Variants in ADGRB1 observed in about 807,000 individuals in gnomAD.
ADGRB1 encodes adhesion G protein-coupled receptor B1, also known as brain-specific angiogenesis inhibitor 1.
ADGRB1 carries 36 observed loss-of-function variants against 175.7 expected under a neutral mutation model. The observed-to-expected ratio is 0.20, with a 90% confidence interval of 0.16 to 0.27. The LOEUF (loss-of-function observed/expected upper bound fraction) is 0.27. Ranked by LOEUF, ADGRB1 falls within the 10% of genes least tolerant of loss-of-function variation. The probability of loss-of-function intolerance (pLI) is 1.00; values close to 1 mark genes in which losing one functional copy is unlikely to be tolerated. For synonymous variants in ADGRB1, 1,054 were observed against 979.4 expected (o/e 1.08, Z -1.42); for missense variants, 1,731 against 2,255.3 (o/e 0.77, Z 4.71).
chr8:142,476,805 C>A, intron 4 of ADGRB1, 110 bp downstream of exon 4: 1 of 1,157,590 alleles, frequency 8.6e-7, no homozygotes, highest in Non-Finnish European at 1.2e-6. Flanking sequence ...CATAACTAGA[C>A]TAAACCCTTA....
rs950756960 is a variant in ADGRB1 at position 142,474,800 on chromosome 8, G to A, written c.785-674G>A. ...GCCGGGGTCAGGGCAGGGGCGTGGC[G>A]GGGAGGCGCCTGCAGGCATTTATCC... On this transcript the variant is annotated intron_variant, in intron 2 of 30. Transcript: ENST00000517894. The surrounding 1 kb of genome is among the most constrained non-coding windows in gnomAD (Gnocchi z 5.8). Among the ~76,000 whole-genome samples, 23 of 152,110 alleles carry A rather than the reference G, an allele frequency of 1.5e-4. No homozygotes were observed. Among genetic ancestry groups the A allele is most frequent in the Admixed American group, 1.4e-3 (22 of 15,280 alleles).
chr8:142,466,167 A>T (rs534523137), intron 2 of ADGRB1, among the ~76,000 whole-genome samples: 142 of 152,188 alleles, frequency 9.3e-4, no homozygotes, highest in Non-Finnish European at 1.3e-3. Context: ...GACTGCATAC[A>T]TCGGGTGTTC....
chr8:142,473,176 G>A (rs949806893), intron 2 of ADGRB1, among the ~76,000 whole-genome samples: 1 of 152,190 alleles, frequency 6.6e-6, no homozygotes, highest in African/African-American at 2.4e-5. Flanking sequence ...GATGAGCCTG[G>A]CTTGGACACC....
At position 142,542,469 on chromosome 8, in the gene ADGRB1, C is replaced by A; in HGVS notation, c.4235C>A (p.Pro1412Gln). 1 of 1,314,462 alleles carries A rather than the reference C, an allele frequency of 7.6e-7. No individual in the cohort carries two copies. The highest frequency in any genetic ancestry group is 1.6e-5 in the South Asian group (1 of 62,964). 81.4% of individuals were successfully genotyped at this position (1,314,462 alleles called of 1,614,324 possible). A position where few individuals can be genotyped will look rare whatever the true frequency, so the allele number is the denominator to read the frequency against. The change falls in exon 28 of 31, where the codon CCA becomes CAA. Residue 1412 changes from proline (P) to glutamine (Q), a missense_variant. Coordinates refer to ENST00000517894, the MANE Select transcript of ADGRB1 (RefSeq NM_001702.3). This position sits in a 1 kb window ranked among gnomAD's most constrained non-coding sequence, Gnocchi z 6.3. Reference protein sequence around the residue: ...GPPEAPPAQPPPPPPPPPPPP... With the variant: ...GPPEAPPAQPQPPPPPPPPPP... The stretch of plus-strand genomic sequence containing the variant: ...CCCGAGGCACCCCCTGCCCAGCCCC[C>A]ACCGCCTCCGCCCCCACCGCCACCA...
chr8:142,452,176 C>T (rs1839390475), intron 1 of ADGRB1, among the ~76,000 whole-genome samples: 1 of 152,224 alleles, frequency 6.6e-6, no homozygotes. Context: ...CTTGGCGCTG[C>T]TTTCAGACTT....
chr8:142,498,961 C>T (rs986855766), intron 17 of ADGRB1, among the ~76,000 whole-genome samples: 4 of 152,148 alleles, frequency 2.6e-5, no homozygotes, highest in Non-Finnish European at 1.5e-5. Flanking sequence ...GCCTCTCTCT[C>T]CCTCTCTTGG....
Position 142,475,627 on chromosome 8 carries a change from C to T in ADGRB1, c.938C>T (p.Ala313Val). ...LEEGRQCNRE[A>V]CGPAGRTSSR... Reference sequence around the variant, plus strand: ...GAGGGTCGCCAGTGCAACCGCGAGGCCTGCGGCCGTGAGTGCGGGCGGGGC... The same window carrying T: ...GAGGGTCGCCAGTGCAACCGCGAGGTCTGCGGCCGTGAGTGCGGGCGGGGC... The change falls in exon 3 of 31, where the codon GCC (alanine) becomes GTC (valine). Residue 313 changes from alanine to valine, a missense_variant. Physicochemically the swap from Ala to Val is moderately conservative, Grantham distance 64. This residue lies in a region of ADGRB1 where 178 missense variants were observed against 227.8 expected (regional missense o/e 0.78). Transcript: ENST00000517894. 8.1e-7 allele frequency: 1 copy of T among 1,230,656 alleles called. No individual in the cohort carries two copies. The highest frequency in any genetic ancestry group is 1.0e-6 in the Non-Finnish European group (1 of 986,942). 76.2% of individuals were successfully genotyped at this position (1,230,656 alleles called of 1,614,324 possible). A position where few individuals can be genotyped will look rare whatever the true frequency, so the allele number is the denominator to read the frequency against.
intron 24 of ADGRB1, among the ~76,000 whole-genome samples, chr8:142,529,716 A>G (rs892099654): frequency 1.5e-5 from 2 of 137,880 alleles, no homozygotes; most frequent in African/African-American, 2.8e-5. Flanking sequence ...GCGTGCATCT[A>G]TGTGTGTGAG....
chr8:142,474,874 G>A lies in ADGRB1; in HGVS notation c.785-600G>A, dbSNP rs530253395. ...GCTGGCCAGGTCCAGGGCAGGCTCCGTCAGGCTGTGCCCTGGGTTCGAGGC... is the reference window on the plus strand; with the variant it reads ...GCTGGCCAGGTCCAGGGCAGGCTCCATCAGGCTGTGCCCTGGGTTCGAGGC... On this transcript the variant is annotated intron_variant, in intron 2 of 30. Coordinates refer to ENST00000517894, the MANE Select transcript of ADGRB1 (RefSeq NM_001702.3). This position sits in a 1 kb window ranked among gnomAD's most constrained non-coding sequence, Gnocchi z 5.8. Among the ~76,000 whole-genome samples, 64 of 152,286 alleles carry A rather than the reference G, an allele frequency of 4.2e-4. No individual in the cohort carries two copies. Among genetic ancestry groups the A allele is most frequent in the African/African-American group, 1.5e-3 (62 of 41,560 alleles).
At chr8:142,531,998 T>C (rs1844648869) in intron 24 of ADGRB1, among the ~76,000 whole-genome samples, 1 of 152,130 alleles carries the variant, frequency 6.6e-6, no homozygotes, top group Non-Finnish European at 1.5e-5. Flanking sequence ...CGTGTGGTTT[T>C]GGAGGCCCTT....
intron 17 of ADGRB1, among the ~76,000 whole-genome samples, chr8:142,501,697 GGGGTGGTGGTGGTGATGGTGAGGGTGAT>G: frequency 1.6e-5 from 2 of 123,842 alleles, no homozygotes; most frequent in Non-Finnish European, 3.5e-5. Context: ...CGATGGAGGT[GGGGTGGTGGTGGTGATGGTGAGGGTGAT>G]GTGGTGGTGG....
In ADGRB1 at chr8:142,544,684, G is replaced by T. The variant is rs1268840028; in HGVS notation, c.*267G>T. On this transcript the variant is annotated 3_prime_UTR_variant, in exon 31 of 31. Transcript: ENST00000517894. ...CCCTCCTCGGGCCGAGGCCCAGCGG[G>T]CAGATGGGCGGACGGCTGTGGACCG... The T allele has an allele frequency of 8.9e-6, 3 of 338,720 alleles. No individual in the cohort carries two copies. The highest frequency in any genetic ancestry group is 1.6e-5 in the Non-Finnish European group (3 of 189,556). The allele number at this position is 338,720 out of a possible 1,614,324, so 21.0% of individuals were successfully genotyped here.
At chr8:142,453,689 G>A (rs1163946730) in intron 1 of ADGRB1, among the ~76,000 whole-genome samples, 1 of 152,198 alleles carries the variant, frequency 6.6e-6, no homozygotes, top group South Asian at 2.1e-4. Flanking sequence ...GGGGCAAGGG[G>A]GAGGGCGTGG....
At chr8:142,489,557 G>A (rs1841885813) in intron 16 of ADGRB1, 119 bp downstream of exon 16, 1 of 1,131,002 alleles carries the variant, frequency 8.8e-7, no homozygotes, top group South Asian at 1.4e-5. Flanking sequence ...ACCTTCGAGA[G>A]CTACTTTTAT....
At chr8:142,531,600 G>A (rs569214111) in intron 24 of ADGRB1, among the ~76,000 whole-genome samples, 4 of 152,310 alleles carry the variant, frequency 2.6e-5, no homozygotes, top group Admixed American at 6.5e-5. Context: ...CAGGAGGGGC[G>A]GGTGCGTGGC....
In ADGRB1 at chr8:142,481,209, G is replaced by A. The variant is rs554188208; in HGVS notation, c.1829-45G>A. On this transcript the variant is annotated intron_variant, in intron 9 of 30. Transcript: ENST00000517894. ...CCAGGGGCCAAGGGTGGGATTCCTG[G>A]GCCAGGCAGCGGGCATCCACCTGAG... The A allele has an allele frequency of 2.1e-4, 327 of 1,574,344 alleles. 2 individuals carry two copies. The South Asian group carries it at 3.4e-3, about 16-fold the overall frequency.
At chr8:142,494,720 C>A (rs1193640819) in intron 17 of ADGRB1, among the ~76,000 whole-genome samples, 2 of 151,516 alleles carry the variant, frequency 1.3e-5, no homozygotes, top group Admixed American at 6.6e-5. Flanking sequence ...AACCAAACCC[C>A]AACCTCCCAG....
chr8:142,495,463 G>A (rs1053496385), intron 17 of ADGRB1, among the ~76,000 whole-genome samples: 1 of 152,266 alleles, frequency 6.6e-6, no homozygotes, highest in South Asian at 2.1e-4. Context: ...CCACAAACCA[G>A]GTGGTTTAAA....
At position 142,453,815 on chromosome 8, in the gene ADGRB1, T is replaced by C. The variant is rs570805346; in HGVS notation, c.-220+3711T>C. Among the ~76,000 whole-genome samples, 689 of 152,168 alleles carry C rather than the reference T, an allele frequency of 4.5e-3. 5 individuals carry two copies. Among genetic ancestry groups the C allele is most frequent in the African/African-American group, 0.016 (662 of 41,504 alleles). ...TGCAAGAAGGCAACCTACAGAGGCCTAGAAGTGGGGCTTACCCAGGAGGTG... is the reference window on the plus strand; with the variant it reads ...TGCAAGAAGGCAACCTACAGAGGCCCAGAAGTGGGGCTTACCCAGGAGGTG... On this transcript the variant is annotated intron_variant, in intron 1 of 30. Coordinates refer to ENST00000517894, the MANE Select transcript of ADGRB1 (RefSeq NM_001702.3).
Sources: allele counts gnomAD v4.1 joint callset (sites outside exome capture counted in the v4.1 genomes callset), GRCh38; gene constraint gnomAD v4.1.1; regional missense constraint gnomAD v4.1.1; non-coding constraint Gnocchi (gnomAD v3.1); transcripts MANE v1.5; gene names NCBI Gene and HGNC (gene_info 2026-07-23, HGNC 2026-07-21).